CHLSN: variants seen among roughly 807,000 people sequenced by gnomAD.
The protein encoded by CHLSN is protein cholesin.
chr7:999,984 C>T, the CHLSN span, among the ~76,000 whole-genome samples: 4 of 152,226 alleles, frequency 2.6e-5, no homozygotes, highest in Non-Finnish European at 4.4e-5. Context: ...ACACATCACG[C>T]GCACACACGT....
At chr7:986,426 C>T in the CHLSN span, 22 of 631,244 alleles carry the variant, frequency 3.5e-5, no homozygotes, top group Middle Eastern at 4.4e-4. Flanking sequence ...TGTCCCCTTC[C>T]GGGACACGGA....
chr7:1,112,959 G>T, the CHLSN span, among the ~76,000 whole-genome samples: 1 of 152,234 alleles, frequency 6.6e-6, no homozygotes, highest in Non-Finnish European at 1.5e-5. Context: ...AAAGCCCAGA[G>T]ATCCAAATGT....
At chr7:1,085,775 G>A in the CHLSN span, among the ~76,000 whole-genome samples, 2 of 151,806 alleles carry the variant, frequency 1.3e-5, no homozygotes, top group African/African-American at 4.8e-5. Context: ...GGAGGCTGCA[G>A]TGAGCTGAGA....
chr7:1,047,555 A>C, the CHLSN span, among the ~76,000 whole-genome samples: 3 of 152,360 alleles, frequency 2.0e-5, no homozygotes, highest in African/African-American at 7.2e-5. Context: ...ATTGTTGCTA[A>C]AGCCTGGGTT....
the CHLSN span, among the ~76,000 whole-genome samples, chr7:1,053,289 C>T: frequency 3.9e-5 from 6 of 152,220 alleles, no homozygotes; most frequent in Admixed American, 2.0e-4. Context: ...CCCCCTCACT[C>T]GGACGCAGGT....
chr7:1,079,210 C>T, the CHLSN span, among the ~76,000 whole-genome samples: 1 of 152,224 alleles, frequency 6.6e-6, no homozygotes, highest in East Asian at 1.9e-4. Context: ...TCGAAGCTGA[C>T]ATCCGCAGGC....
chr7:1,073,669 C>G, the CHLSN span, among the ~76,000 whole-genome samples: 1 of 150,892 alleles, frequency 6.6e-6, no homozygotes, highest in Non-Finnish European at 1.5e-5. Flanking sequence ...CTCCGCACCC[C>G]GCCGCCGTGA....
chr7:1,083,861 C>T, the CHLSN span, among the ~76,000 whole-genome samples: 2 of 152,322 alleles, frequency 1.3e-5, no homozygotes, highest in African/African-American at 4.8e-5. Context: ...TGCCCCTCAC[C>T]GCACTGTTTC....
the CHLSN span, chr7:1,026,225 T>C: frequency 0.17 from 25,257 of 152,274 alleles, 2,539 homozygotes; most frequent in Admixed American, 0.22. Flanking sequence ...TGTCTAACGA[T>C]TCACGACACT....
At chr7:1,108,501 G>A in the CHLSN span, among the ~76,000 whole-genome samples, 1 of 152,244 alleles carries the variant, frequency 6.6e-6, no homozygotes, top group Admixed American at 6.5e-5. Flanking sequence ...ACGCACGGGT[G>A]TGCTGACTTG....
the CHLSN span, chr7:1,137,904 G>C: frequency 4.6e-5 from 7 of 152,224 alleles, no homozygotes; most frequent in Non-Finnish European, 8.8e-5. Flanking sequence ...TGCAAGCCCT[G>C]ACGGCCTGAA....
At chr7:1,024,984 A>T in the CHLSN span, 7 of 152,270 alleles carry the variant, frequency 4.6e-5, no homozygotes, top group African/African-American at 1.4e-4. Flanking sequence ...TACCTGCTCT[A>T]TTCTGGTTGG....
the CHLSN span, chr7:983,206 G>T: frequency 7.4e-6 from 11 of 1,491,452 alleles, no homozygotes; most frequent in Non-Finnish European, 9.9e-6. Context: ...CACCAGCCAC[G>T]TCCTCATGGC....
At chr7:1,053,867 C>T in the CHLSN span, among the ~76,000 whole-genome samples, 2 of 152,330 alleles carry the variant, frequency 1.3e-5, no homozygotes, top group East Asian at 3.9e-4. Context: ...ACACTTCATG[C>T]TCACTTCTCT....
At chr7:1,092,265 C>A in the CHLSN span, 16 of 1,612,104 alleles carry the variant, frequency 9.9e-6, no homozygotes, top group Middle Eastern at 3.3e-4. Context: ...TGAGCTGTGG[C>A]CTCATCTGGA....
At chr7:1,083,437 A>G in the CHLSN span, among the ~76,000 whole-genome samples, 1 of 152,024 alleles carries the variant, frequency 6.6e-6, no homozygotes, top group Non-Finnish European at 1.5e-5. Context: ...ATCCTGGCTA[A>G]CACAGTAAAA....
chr7:1,094,396 T>C, the CHLSN span, among the ~76,000 whole-genome samples: 1 of 152,272 alleles, frequency 6.6e-6, no homozygotes, highest in African/African-American at 2.4e-5. Flanking sequence ...TCACTTTTCC[T>C]GTGTTTGCGG....
the CHLSN span, among the ~76,000 whole-genome samples, chr7:1,062,664 T>C: frequency 6.6e-6 from 1 of 152,172 alleles, no homozygotes; most frequent in African/African-American, 2.4e-5. Flanking sequence ...GCCCTGAGGA[T>C]GGAACTGAGG....
the CHLSN span, among the ~76,000 whole-genome samples, chr7:1,089,659 G>T: frequency 6.6e-6 from 1 of 150,726 alleles, no homozygotes; most frequent in South Asian, 2.1e-4. Flanking sequence ...CTGAACTTGA[G>T]CAATCCTCCC....
Sources: allele counts gnomAD v4.1 joint callset (sites outside exome capture counted in the v4.1 genomes callset), GRCh38; gene constraint gnomAD v4.1.1; transcripts MANE v1.5; gene names NCBI Gene and HGNC (gene_info 2026-07-23, HGNC 2026-07-21).